ATP11A: variants seen among roughly 807,000 people sequenced by gnomAD.
ATP11A encodes phospholipid-transporting ATPase IH.
A neutral mutation model predicts 154.4 loss-of-function variants in ATP11A; 81 were observed. The ratio of observed to expected loss-of-function variants is 0.52; its 90% CI spans 0.44 to 0.63. ATP11A has a LOEUF of 0.63. Among genes scored for constraint, ATP11A ranks in the 30% least tolerant of loss-of-function variants. The pLI, the probability that ATP11A is intolerant of heterozygous loss-of-function variation, is 0.00. For synonymous variants in ATP11A, 623 were observed against 585.9 expected (o/e 1.06, Z -0.91); for missense variants, 1,316 against 1,474.3 (o/e 0.89, Z 1.76).
intron 1 of ATP11A, among the ~76,000 whole-genome samples, chr13:112,708,927 T>A (rs1887450779): frequency 6.6e-6 from 1 of 152,200 alleles, no homozygotes; most frequent in Admixed American, 6.5e-5. Context: ...GAGAGTGATT[T>A]GGTTCCTGTC....
At chr13:112,755,591 C>T (rs2076802731) in intron 1 of ATP11A, among the ~76,000 whole-genome samples, 1 of 152,160 alleles carries the variant, frequency 6.6e-6, no homozygotes, top group Non-Finnish European at 1.5e-5. Context: ...CAGAGCAGCT[C>T]CCAGAACCAT....
At chr13:112,865,492 C>T (rs1053179900) in intron 25 of ATP11A, among the ~76,000 whole-genome samples, 1 of 152,242 alleles carries the variant, frequency 6.6e-6, no homozygotes, top group East Asian at 1.9e-4. Flanking sequence ...TTAAAGATCG[C>T]ATTACCTGAG....
rs1199554746 is a variant in ATP11A at position 112,836,271 on chromosome 13, T to C, written c.1705+20T>C. 1.3e-6 allele frequency: 2 copies of C among 1,536,968 alleles called. No individual in the cohort carries two copies. The highest frequency in any genetic ancestry group is 1.8e-6 in the Non-Finnish European group (2 of 1,113,262). ...CTACAGGTAAAATTTCTTTTTCTTT[T>C]GATTTATTAAGTTATACGTGGTGGT... On this transcript the variant is annotated intron_variant, in intron 16 of 29. Coordinates refer to ENST00000375645, the MANE Select transcript of ATP11A (RefSeq NM_015205.3).
At chr13:112,718,502 G>T (rs746160402) in intron 1 of ATP11A, among the ~76,000 whole-genome samples, 32 of 152,278 alleles carry the variant, frequency 2.1e-4, no homozygotes, top group Admixed American at 5.9e-4. Context: ...AGCCGCCTCC[G>T]CTGGGGGTCC....
intron 5 of ATP11A, among the ~76,000 whole-genome samples, chr13:112,811,208 C>CACACACACACACT: frequency 1.8e-5 from 1 of 55,094 alleles, no homozygotes; most frequent in African/African-American, 1.1e-4. Flanking sequence ...ACACACACAG[C>CACACACACACACT]CTCCCTCTGC....
intron 13 of ATP11A, among the ~76,000 whole-genome samples, chr13:112,831,892 A>G (rs1001199665): frequency 6.6e-6 from 1 of 151,956 alleles, no homozygotes; most frequent in Non-Finnish European, 1.5e-5. Flanking sequence ...ACATGCAGAC[A>G]CACGCACTCA....
At chr13:112,811,161 AACACACACAC>A (rs10695491) in intron 5 of ATP11A, among the ~76,000 whole-genome samples, 84 of 115,604 alleles carry the variant, frequency 7.3e-4, no homozygotes, top group African/African-American at 2.6e-3. Flanking sequence ...TGCCCCTTCC[AACACACACAC>A]ACACACACAC....
rs2080922529 is a variant in ATP11A at position 112,883,133 on chromosome 13, C to T, written c.*1267C>T. 2.5e-6 allele frequency: 1 copy of T among 393,552 alleles called. No homozygotes were observed. The highest frequency in any genetic ancestry group is 4.4e-5 in the Admixed American group (1 of 22,502). 24.4% of individuals were successfully genotyped at this position (393,552 alleles called of 1,614,324 possible). A position where few individuals can be genotyped will look rare whatever the true frequency, so the allele number is the denominator to read the frequency against. The stretch of plus-strand genomic sequence containing the variant: ...ACGTCCCCTCGTCTCCTCATCCCCA[C>T]GTCCTCTCGTCCCCTTGTCCCGTCC... On this transcript the variant is annotated 3_prime_UTR_variant, in exon 30 of 30. Coordinates refer to ENST00000375645, the MANE Select transcript of ATP11A (RefSeq NM_015205.3).
At chr13:112,853,667 G>A (rs760513653) in intron 18 of ATP11A, among the ~76,000 whole-genome samples, 10 of 152,312 alleles carry the variant, frequency 6.6e-5, no homozygotes, top group South Asian at 2.1e-4. Context: ...TGGTGCTAGC[G>A]TCCTTACTCG....
In ATP11A at chr13:112,857,874, T is replaced by A. The variant is rs138561771; in HGVS notation, c.2475T>A (p.Asp825Glu). 2 of 1,614,110 alleles carry A rather than the reference T, an allele frequency of 1.2e-6. No homozygotes were observed. The highest frequency in any genetic ancestry group is 1.7e-6 in the Non-Finnish European group (2 of 1,180,046). ...ACCCAATCACGTTAGCAATTGGCGA[T>A]GGTGCAAATGATGTCAGCATGATTC... is the stretch of plus-strand genomic sequence containing the variant. ...KEHPITLAIG[D>E]GANDVSMILE... Residue 825 changes from aspartate to glutamate, a missense_variant, in exon 21 of 30, where the codon GAT becomes GAA. Coordinates refer to ENST00000375645, the MANE Select transcript of ATP11A (RefSeq NM_015205.3).
At position 112,836,555 on chromosome 13, in the gene ATP11A, T is replaced by C. The variant is rs113955611; in HGVS notation, c.1705+304T>C. Among the ~76,000 whole-genome samples the C allele has an allele frequency of 8.9e-3, 1,352 of 152,338 alleles. 23 individuals carry two copies. The highest frequency in any genetic ancestry group is 0.03 in the African/African-American group (1,251 of 41,570). The stretch of plus-strand genomic sequence containing the variant: ...GCTTAATTCCATTTGTGAAAGTTCC[T>C]CTGCCCATCCCTATCCCCCACCCGC... On this transcript the variant is annotated intron_variant, in intron 16 of 29. Coordinates refer to ENST00000375645, the MANE Select transcript of ATP11A (RefSeq NM_015205.3).
At chr13:112,798,790 G>T (rs1258319200) in intron 2 of ATP11A, among the ~76,000 whole-genome samples, 3 of 152,166 alleles carry the variant, frequency 2.0e-5, no homozygotes, top group African/African-American at 7.2e-5. Flanking sequence ...AGGAATAAAA[G>T]TCAGTTACAA....
intron 1 of ATP11A, among the ~76,000 whole-genome samples, chr13:112,692,233 T>C (rs1019763119): frequency 2.0e-5 from 3 of 152,188 alleles, no homozygotes; most frequent in Admixed American, 6.5e-5. Flanking sequence ...GGACTAACAC[T>C]CACTTTGCCC....
intron 24 of ATP11A, among the ~76,000 whole-genome samples, chr13:112,861,488 C>G (rs1039045707): frequency 2.6e-5 from 4 of 152,240 alleles, no homozygotes; most frequent in African/African-American, 9.6e-5. Flanking sequence ...TTTCCCTGCA[C>G]TTACGTACAT....
intron 4 of ATP11A, among the ~76,000 whole-genome samples, chr13:112,810,358 C>A (rs77364833): frequency 2.2e-3 from 334 of 152,302 alleles, no homozygotes; most frequent in African/African-American, 7.3e-3. Flanking sequence ...AGTACTTATA[C>A]ACACTTCGAT....
rs569756104 is a variant in ATP11A, at chr13:112,784,810, G to A, written c.40-325G>A. 5.1e-3 allele frequency among the ~76,000 whole-genome samples: 784 copies of A among 152,298 alleles called. 6 individuals carry two copies. Among genetic ancestry groups the A allele is most frequent in the African/African-American group, 0.017 (725 of 41,566 alleles). Reference sequence around the variant, plus strand: ...AGTGCTGGGATTACAGGCGTGAGCCGCCGCGCCCGGCCGCGTTCTGTTCTT... The same window carrying A: ...AGTGCTGGGATTACAGGCGTGAGCCACCGCGCCCGGCCGCGTTCTGTTCTT... On this transcript the variant is annotated intron_variant, in intron 1 of 29. Coordinates refer to ENST00000375645, the MANE Select transcript of ATP11A (RefSeq NM_015205.3).
At chr13:112,742,700 G>A (rs934224667) in intron 1 of ATP11A, among the ~76,000 whole-genome samples, 2 of 152,172 alleles carry the variant, frequency 1.3e-5, no homozygotes, top group African/African-American at 2.4e-5. Flanking sequence ...GGTATCCCCC[G>A]TGTGTGACGG....
At chr13:112,693,510 G>A (rs894493306) in intron 1 of ATP11A, among the ~76,000 whole-genome samples, 2 of 151,616 alleles carry the variant, frequency 1.3e-5, no homozygotes, top group East Asian at 3.9e-4. Flanking sequence ...GTGGGGTGGT[G>A]TATGTGCTGT....
intron 1 of ATP11A, among the ~76,000 whole-genome samples, chr13:112,700,608 G>A (rs1034117063): frequency 6.6e-6 from 1 of 152,244 alleles, no homozygotes; most frequent in African/African-American, 2.4e-5. Flanking sequence ...TGTGAAGGGT[G>A]AGTGAACGCC....
Sources: gnomAD v4.1 joint callset for allele counts (sites outside exome capture counted in the v4.1 genomes callset) on GRCh38, gnomAD v4.1.1 for gene constraint, MANE v1.5 for transcripts, NCBI Gene and HGNC (gene_info 2026-07-23, HGNC 2026-07-21) for gene names.